SLC24A5: variants seen among roughly 807,000 people sequenced by gnomAD.
The protein encoded by SLC24A5 is sodium/potassium/calcium exchanger 5.
Under a neutral mutation model 51.6 loss-of-function variants are expected in SLC24A5, and 46 were observed. That is an observed-to-expected ratio of 0.89 (90% CI 0.70 to 1.14). SLC24A5 has a LOEUF of 1.14. Ranked by LOEUF, SLC24A5 falls within the 50% of genes most tolerant of loss-of-function variation. The pLI is 0.00. For synonymous variants in SLC24A5, 230 were observed against 214.9 expected, an observed-to-expected ratio of 1.07 and a Z score of -0.62; for missense variants, 581 against 604.1, an observed-to-expected ratio of 0.96 and a Z score of 0.40.
In SLC24A5 at chr15:48,122,036, T is replaced by A. The variant is rs1443746860; in HGVS notation, c.301T>A (p.Ser101Thr). The change falls in exon 2 of 9, where the codon TCC becomes ACC. Residue 101 changes from serine to threonine, a missense_variant and splice_region_variant. Physicochemically the swap from Ser to Thr is moderately conservative, Grantham distance 58. Coordinates refer to ENST00000341459, the MANE Select transcript of SLC24A5 (RefSeq NM_205850.3). The stretch of plus-strand genomic sequence containing the variant: ...ACCCTCCCTGGAAATCATCAGTGAA[T>A]GTAAGTGGCTGGAAAGTTGCCCTGT... ...FLPSLEIISE[S>T]LGLSQDVAGT... 1 of 1,614,158 alleles carries A rather than the reference T, an allele frequency of 6.2e-7. No individual in the cohort carries two copies.
chr15:48,129,551 A>T (rs530829880), intron 2 of SLC24A5, among the ~76,000 whole-genome samples: 1 of 152,224 alleles, frequency 6.6e-6, no homozygotes, highest in East Asian at 1.9e-4. Flanking sequence ...AAATGATGCC[A>T]CAGGACGCCA....
At position 48,134,312 on chromosome 15, in the gene SLC24A5, C is replaced by G; in HGVS notation, c.356C>G (p.Ser119Ter). ...AGTTFMAAGS[S>*]APELVTAFLG... The stretch of plus-strand genomic sequence containing the variant: ...ACAACTTTCATGGCAGCGGGCAGTT[C>G]AGCTCCTGAATTAGTTACTGCTTTC... Residue 119 changes from serine (S) to a stop codon, truncating the protein, a stop_gained, in exon 3 of 9, where the codon TCA becomes TGA. Coordinates refer to ENST00000341459, the MANE Select transcript of SLC24A5 (RefSeq NM_205850.3). LOFTEE classifies it high-confidence loss of function. 1 of 1,613,616 alleles carries G rather than the reference C, an allele frequency of 6.2e-7. No individual in the cohort carries two copies.
chr15:48,123,549 A>G (rs1463272047), intron 2 of SLC24A5: 2 of 152,172 alleles, frequency 1.3e-5, no homozygotes, highest in Non-Finnish European at 2.9e-5. Flanking sequence ...AAATGATTTG[A>G]GCGTCTGACA....
At chr15:48,128,192 T>C (rs1042423484) in intron 2 of SLC24A5, among the ~76,000 whole-genome samples, 1 of 151,908 alleles carries the variant, frequency 6.6e-6, no homozygotes, top group African/African-American at 2.4e-5. Flanking sequence ...TTCCAAACTA[T>C]ATACATAGAA....
At chr15:48,130,013 T>C (rs2038773663) in intron 2 of SLC24A5, among the ~76,000 whole-genome samples, 1 of 152,118 alleles carries the variant, frequency 6.6e-6, no homozygotes, top group Non-Finnish European at 1.5e-5. Flanking sequence ...TTATAAACTT[T>C]CTAACATGAC....
intron 4 of SLC24A5, 71 bp downstream of exon 4, chr15:48,134,609 G>A (rs1351248997): frequency 1.7e-6 from 2 of 1,208,008 alleles, no homozygotes; most frequent in Non-Finnish European, 2.4e-6. Flanking sequence ...CGTCGTCTGG[G>A]ATGGACAACA....
At position 48,121,104 on chromosome 15, in the gene SLC24A5, G is replaced by A; in HGVS notation, c.60G>A (p.Trp20Ter). 1 of 1,613,850 alleles carries A rather than the reference G, an allele frequency of 6.2e-7. No homozygotes were observed. The highest frequency in any genetic ancestry group is 8.5e-7 in the Non-Finnish European group (1 of 1,179,892). The part of the protein sequence containing the change: ...ARRALLLGIL[W>*]ATAHLPLSGT... ...GGGCTCTGTTGCTCGGCATCCTGTGGGCCACTGCACATCTGCCTCTCTCAG... is the reference window on the plus strand; with the variant it reads ...GGGCTCTGTTGCTCGGCATCCTGTGAGCCACTGCACATCTGCCTCTCTCAG... The change falls in exon 1 of 9, where the codon TGG becomes TGA. Residue 20 changes from tryptophan (W) to a stop codon, truncating the protein, a stop_gained. Transcript: ENST00000341459. LOFTEE classifies it high-confidence loss of function.
intron 6 of SLC24A5, chr15:48,137,342 G>T: frequency 5.9e-6 from 1 of 169,210 alleles, no homozygotes; most frequent in Non-Finnish European, 1.3e-5. Flanking sequence ...CAGCTACTGA[G>T]GTCTTCATTC....
intron 4 of SLC24A5, 88 bp from the exon 5 acceptor site, chr15:48,134,796 C>A (rs2038855860): frequency 9.4e-7 from 1 of 1,059,688 alleles, no homozygotes; most frequent in Middle Eastern, 2.7e-4. Context: ...TATTTAACTA[C>A]AAATATATAA....
chr15:48,136,482 G>T, intron 5 of SLC24A5: 1 of 410,908 alleles, frequency 2.4e-6, no homozygotes. Flanking sequence ...AAACAACACA[G>T]AAGTGTCCAG....
At chr15:48,141,394 T>C in intron 8 of SLC24A5, 180 bp downstream of exon 8, 1 of 434,358 alleles carries the variant, frequency 2.3e-6, no homozygotes, top group Non-Finnish European at 4.2e-6. Context: ...CTGACCAACA[T>C]GGTGAAACCC....
At position 48,136,906 on chromosome 15, in the gene SLC24A5, G is replaced by T; in HGVS notation, c.814G>T (p.Asp272Tyr). 1.2e-6 allele frequency: 2 copies of T among 1,613,828 alleles called. No individual in the cohort carries two copies. Among genetic ancestry groups the T allele is most frequent in the Non-Finnish European group, 1.7e-6 (2 of 1,179,780 alleles). ...AACTGATAGTGGAATATTTTATGAA[G>T]ATTCTGGCTACTCTCAGCTCTCTAT... ...SRTDSGIFYE[D>Y]SGYSQLSISL... Residue 272 changes from aspartate (D) to tyrosine (Y), a missense_variant, in exon 6 of 9, where the codon GAT (aspartate) becomes TAT (tyrosine). By Grantham distance (160) the Asp-to-Tyr change is radical. Coordinates refer to ENST00000341459, the MANE Select transcript of SLC24A5 (RefSeq NM_205850.3).
At position 48,121,127 on chromosome 15, in the gene SLC24A5, C is replaced by G; in HGVS notation, c.83C>G (p.Ser28Ter). The G allele has an allele frequency of 6.2e-7, 1 of 1,613,814 alleles. No homozygotes were observed. Among genetic ancestry groups the G allele is most frequent in the South Asian group, 1.1e-5 (1 of 91,046 alleles). Residue 28 changes from serine (S) to a stop codon, truncating the protein, a stop_gained, in exon 1 of 9, where the codon TCA becomes TGA. Coordinates refer to ENST00000341459, the MANE Select transcript of SLC24A5 (RefSeq NM_205850.3). LOFTEE classifies it high-confidence loss of function. ...ILWATAHLPL[S>*]GTSLPQRLPR... ...TGGGCCACTGCACATCTGCCTCTCT[C>G]AGGGACCTCCCTGCCCCAACGTCTC...
intron 2 of SLC24A5, among the ~76,000 whole-genome samples, chr15:48,126,558 G>A (rs188863627): frequency 6.6e-6 from 1 of 152,326 alleles, no homozygotes; most frequent in Admixed American, 6.5e-5. Context: ...GTGATCAGAA[G>A]AGGAGCATTA....
chr15:48,142,525 G>T lies in SLC24A5; in HGVS notation c.*174G>T, dbSNP rs2039127472. The T allele has an allele frequency of 1.9e-6, 1 of 525,186 alleles. No homozygotes were observed. The highest frequency in any genetic ancestry group is 1.9e-5 in the African/African-American group (1 of 51,624). The allele number at this position is 525,186 out of a possible 1,614,324, so 32.5% of individuals were successfully genotyped here. ...ATTTTTCTGAGCCCTTTCTTTTCAT[G>T]AAAAATTACATATTATAAAACAGAA... On this transcript the variant is annotated 3_prime_UTR_variant, in exon 9 of 9. Coordinates refer to ENST00000341459, the MANE Select transcript of SLC24A5 (RefSeq NM_205850.3).
chr15:48,140,828 C>T, intron 7 of SLC24A5: 1 of 320,696 alleles, frequency 3.1e-6, no homozygotes, highest in East Asian at 7.2e-5. Flanking sequence ...TGGACATAAA[C>T]ATCTTTTGTA....
chr15:48,121,383 T>G lies in SLC24A5; in HGVS notation c.121+218T>G, dbSNP rs2038677427. Among the ~76,000 whole-genome samples the G allele has an allele frequency of 2.6e-5, 4 of 152,218 alleles. 1 individual carries two copies. The highest frequency in any genetic ancestry group is 2.6e-4 in the Admixed American group (4 of 15,286). On this transcript the variant is annotated intron_variant, in intron 1 of 8. Transcript: ENST00000341459. The stretch of plus-strand genomic sequence containing the variant: ...TTCACAGAGATCATAGTAGGCCAAG[T>G]CTCCAGTTTTTGTTCTTGGAGACTT...
At chr15:48,126,160 T>C (rs1362458247) in intron 2 of SLC24A5, among the ~76,000 whole-genome samples, 1 of 152,150 alleles carries the variant, frequency 6.6e-6, no homozygotes, top group Non-Finnish European at 1.5e-5. Flanking sequence ...AAGGATTTTT[T>C]TTCCTTCTCC....
chr15:48,126,984 A>C lies in SLC24A5; in HGVS notation c.301+4948A>C, dbSNP rs2038738605. 2.0e-5 allele frequency among the ~76,000 whole-genome samples: 3 copies of C among 152,178 alleles called. No homozygotes were observed. The South Asian group carries it at 6.2e-4, about 32-fold the overall frequency. On this transcript the variant is annotated intron_variant, in intron 2 of 8. Coordinates refer to ENST00000341459, the MANE Select transcript of SLC24A5 (RefSeq NM_205850.3). ...CCCCGGACAGCTGGAGGGGAAGGAC[A>C]CAGCCGTCATATGCTCTAGTGCCAC...
Sources: allele counts gnomAD v4.1 joint callset (sites outside exome capture counted in the v4.1 genomes callset), GRCh38; gene constraint gnomAD v4.1.1; transcripts MANE v1.5; gene names NCBI Gene and HGNC (gene_info 2026-07-23, HGNC 2026-07-21).